Variants in IPO13 observed in about 807,000 individuals in gnomAD.
IPO13 encodes the protein importin-13.
In IPO13, 28 loss-of-function variants were observed where a neutral mutation model predicts 115.5. The observed-to-expected ratio is 0.24, with a 90% CI of 0.18 to 0.33. The LOEUF is 0.33. Ranked by LOEUF, IPO13 falls within the 10% of genes least tolerant of loss-of-function variation. The pLI, the probability that IPO13 is intolerant of heterozygous loss-of-function variation, is 1.00. For missense variants in IPO13, 785 were observed against 1,204.6 expected (o/e 0.65, Z 5.16); for synonymous variants, 414 against 478.9 (o/e 0.86, Z 1.77).
chr1:43,955,110 G>A (rs1454940885), intron 2 of IPO13, among the ~76,000 whole-genome samples: 2 of 152,154 alleles, frequency 1.3e-5, no homozygotes, highest in Non-Finnish European at 2.9e-5. Flanking sequence ...ATCAAGTCCT[G>A]TCTGTTTTGC....
At position 43,950,088 on chromosome 1, in the gene IPO13, C is replaced by T. The variant is rs1176256632; in HGVS notation, c.756C>T (p.Asp252=). The stretch of plus-strand genomic sequence containing the variant: ...AGGCTGCCTTTGCTGCTCTGCAGGA[C>T]TCGGAGCTCTTCGACAGCAGTGTGG... ...LIQAAFAALQ[D]SELFDSSVEA... Residue 252 remains aspartate (D), a synonymous_variant, in exon 2 of 20, where the codon GAC becomes GAT. Coordinates refer to ENST00000372343, the MANE Select transcript of IPO13 (RefSeq NM_014652.4). 1 of 1,613,936 alleles carries T rather than the reference C, an allele frequency of 6.2e-7. No homozygotes were observed. The highest frequency in any genetic ancestry group is 8.5e-7 in the Non-Finnish European group (1 of 1,180,014).
chr1:43,960,122 T>C, intron 11 of IPO13, 127 bp from the exon 12 acceptor site: 1 of 795,712 alleles, frequency 1.3e-6, no homozygotes, highest in Non-Finnish European at 2.2e-6. Context: ...TCCCATGCCC[T>C]GGGTCCTCAA....
In IPO13 at chr1:43,956,381, C is replaced by A; in HGVS notation, c.883C>A (p.Gln295Lys). Reference sequence around the variant, plus strand: ...GCTGGGTCTGCAGGAACAACTGCGGCAGGCAGTGCAGAATGGGGACATGGA... The same window carrying A: ...GCTGGGTCTGCAGGAACAACTGCGGAAGGCAGTGCAGAATGGGGACATGGA... ...LVLGLQEQLR[Q>K]AVQNGDMETS... Residue 295 changes from glutamine (Q) to lysine (K), a missense_variant, in exon 3 of 20, where the codon CAG becomes AAG. Gln to Lys is a moderately conservative substitution (Grantham distance 53). This residue lies in a region of IPO13 where 325 missense variants were observed against 449.8 expected (regional missense o/e 0.72). Coordinates refer to ENST00000372343, the MANE Select transcript of IPO13 (RefSeq NM_014652.4). This position sits in a 1 kb window ranked among gnomAD's most constrained non-coding sequence, Gnocchi z 4.7. The A allele has an allele frequency of 6.2e-7, 1 of 1,614,194 alleles. No individual in the cohort carries two copies. Among genetic ancestry groups the A allele is most frequent in the Non-Finnish European group, 8.5e-7 (1 of 1,180,022 alleles).
chr1:43,951,370 A>G (rs1352138308), intron 2 of IPO13, among the ~76,000 whole-genome samples: 3 of 152,182 alleles, frequency 2.0e-5, no homozygotes. Flanking sequence ...ACTGAGTCTG[A>G]GGGCTGTGAA....
At chr1:43,953,021 G>A (rs2085219660) in intron 2 of IPO13, among the ~76,000 whole-genome samples, 2 of 152,178 alleles carry the variant, frequency 1.3e-5, no homozygotes, top group South Asian at 4.1e-4. Context: ...GTGATGTGAG[G>A]TGTCCTTGGA....
At chr1:43,950,911 TA>T (rs2085204724) in intron 2 of IPO13, among the ~76,000 whole-genome samples, 1 of 152,244 alleles carries the variant, frequency 6.6e-6, no homozygotes, top group African/African-American at 2.4e-5. Flanking sequence ...TCTTAGCCCA[TA>T]ACATGATTTC....
chr1:43,953,081 T>C (rs1345897132), intron 2 of IPO13: 1 of 152,158 alleles, frequency 6.6e-6, no homozygotes, highest in Admixed American at 6.5e-5. Context: ...TGGCAGGTAA[T>C]TGATGCCCCT....
intron 14 of IPO13, among the ~76,000 whole-genome samples, chr1:43,961,715 G>A (rs1365751629): frequency 2.0e-5 from 3 of 152,186 alleles, no homozygotes; most frequent in Non-Finnish European, 4.4e-5. Context: ...CCATATCTGT[G>A]AAACGGAGAT....
Position 43,949,984 on chromosome 1 carries a change from G to C in IPO13, c.652G>C (p.Val218Leu), listed in dbSNP as rs1486505579. The C allele has an allele frequency of 1.2e-5, 20 of 1,612,244 alleles. No homozygotes were observed. The highest frequency in any genetic ancestry group is 1.7e-5 in the Non-Finnish European group (20 of 1,179,660). ...ACAGCAGCCCAGCTCACCCAGCTGT[G>C]TGCGTCAGAAGGTGCTCAAGTGTTT... ...LLQQPSSPSCVRQKVLKCFSS... is the reference protein window; with the variant it reads ...LLQQPSSPSCLRQKVLKCFSS... Residue 218 changes from valine to leucine, a missense_variant, in exon 2 of 20, where the codon GTG becomes CTG. Physicochemically the swap from Val to Leu is conservative, Grantham distance 32 (BLOSUM62 1). Coordinates refer to ENST00000372343, the MANE Select transcript of IPO13 (RefSeq NM_014652.4).
At position 43,956,578 on chromosome 1, in the gene IPO13, A is replaced by C. The variant is rs765118713; in HGVS notation, c.981A>C (p.Val327=). 3.1e-6 allele frequency: 5 copies of C among 1,614,248 alleles called. No individual in the cohort carries two copies. Among genetic ancestry groups the C allele is most frequent in the Non-Finnish European group, 4.2e-6 (5 of 1,180,048 alleles). Residue 327 remains valine (V), a synonymous_variant, in exon 4 of 20, where the codon GTA becomes GTC. Coordinates refer to ENST00000372343, the MANE Select transcript of IPO13 (RefSeq NM_014652.4). The surrounding 1 kb of genome is among the most constrained non-coding windows in gnomAD (Gnocchi z 4.7). ...TCCCCAGGGCCTTGCTGGACCAAGT[A>C]GAGCACTGGCAGAGTTTCCTGGCAC... The part of the protein sequence containing the change: ...ENHSRALLDQ[V]EHWQSFLALV...
At chr1:43,959,679 C>A (rs943231104) in intron 11 of IPO13, among the ~76,000 whole-genome samples, 25 of 152,224 alleles carry the variant, frequency 1.6e-4, no homozygotes, top group Admixed American at 1.0e-3. Context: ...ACTCCCCAAC[C>A]CAGTTTCAGT....
rs779391316 is a variant in IPO13 at position 43,961,234 on chromosome 1, C to T, written c.2316C>T (p.Thr772=). Residue 772 remains threonine, a synonymous_variant, in exon 14 of 20, where the codon ACC becomes ACT. Transcript: ENST00000372343. ...TTGAGGCCCTCTTCCTGCTCGTCAC[C>T]TCCGTCACACTCACTCTCTTCCAGC... ...PPIEALFLLV[T]SVTLTLFQQG... is the part of the protein sequence containing the mutation. 3.1e-6 allele frequency: 5 copies of T among 1,613,972 alleles called. No individual in the cohort carries two copies. The Admixed American group carries it at 5.0e-5, about 16-fold the overall frequency.
chr1:43,950,122 G>A lies in IPO13; in HGVS notation c.790G>A (p.Val264Met). 1 of 1,612,450 alleles carries A rather than the reference G, an allele frequency of 6.2e-7. No homozygotes were observed. The highest frequency in any genetic ancestry group is 8.5e-7 in the Non-Finnish European group (1 of 1,178,984). ...CTTCGACAGCAGTGTGGAGGCCATT[G>A]TGAATGCCATCTCACAGCCTGATGC... ...ELFDSSVEAI[V>M]NAISQPDAQR... Residue 264 changes from valine (V) to methionine (M), a missense_variant, in exon 2 of 20, where the codon GTG becomes ATG. Around this residue, in one of 3 missense-constraint regions of IPO13, gnomAD observed 325 missense variants for 449.8 expected, o/e 0.72. Transcript: ENST00000372343.
At position 43,950,429 on chromosome 1, in the gene IPO13, A is replaced by G. The variant is rs185910023; in HGVS notation, c.821+276A>G. On this transcript the variant is annotated intron_variant, in intron 2 of 19. Coordinates refer to ENST00000372343, the MANE Select transcript of IPO13 (RefSeq NM_014652.4). ...AGTCCTGGCTGTTCCCCTCCTGACC[A>G]TATTGCAAATCTATTTTTTTCCATT... Among the ~76,000 whole-genome samples the G allele has an allele frequency of 2.0e-4, 30 of 152,258 alleles. No individual in the cohort carries two copies. In the East Asian group the frequency reaches 4.8e-3, roughly 24 times the overall value.
intron 7 of IPO13, 103 bp downstream of exon 7, chr1:43,957,652 G>C: frequency 5.1e-6 from 7 of 1,381,090 alleles, no homozygotes; most frequent in Non-Finnish European, 7.1e-6. Context: ...AGAGCCACAT[G>C]CCTACACACA....
Position 43,967,194 on chromosome 1 carries a change from G to A in IPO13, c.2614-121G>A. The A allele has an allele frequency of 8.4e-7, 1 of 1,184,680 alleles. No homozygotes were observed. Among genetic ancestry groups the A allele is most frequent in the Non-Finnish European group, 1.2e-6 (1 of 811,938 alleles). The allele number at this position is 1,184,680 out of a possible 1,614,324, so 73.4% of individuals were successfully genotyped here. A position where few individuals can be genotyped will look rare whatever the true frequency, so the allele number is the denominator to read the frequency against. Reference sequence around the variant, plus strand: ...GTGGGGATCAGCTGGCTCTCAAAAAGCAGCGCTCACTGTGATGTGCAGTTT... The same window carrying A: ...GTGGGGATCAGCTGGCTCTCAAAAAACAGCGCTCACTGTGATGTGCAGTTT... On this transcript the variant is annotated intron_variant, in intron 18 of 19. Coordinates refer to ENST00000372343, the MANE Select transcript of IPO13 (RefSeq NM_014652.4). The surrounding 1 kb of genome is among the most constrained non-coding windows in gnomAD (Gnocchi z 6.1).
At chr1:43,957,941 G>T (rs753783595) in intron 7 of IPO13, 36 bp from the exon 8 acceptor site, 3 of 1,607,228 alleles carry the variant, frequency 1.9e-6, no homozygotes, top group Non-Finnish European at 2.6e-6. Flanking sequence ...AGCCTGGCCT[G>T]CCTCAAAGAT....
At position 43,949,887 on chromosome 1, in the gene IPO13, C is replaced by T; in HGVS notation, c.555C>T (p.Tyr185=). 4 of 1,611,848 alleles carry T rather than the reference C, an allele frequency of 2.5e-6. No homozygotes were observed. Among genetic ancestry groups the T allele is most frequent in the Non-Finnish European group, 3.4e-6 (4 of 1,179,868 alleles). ...TCCAGACCAGTCGCCTACCCCAGTACCGCAAAGGCCTGGTGCGGACCAGCC... is the reference window on the plus strand; with the variant it reads ...TCCAGACCAGTCGCCTACCCCAGTATCGCAAAGGCCTGGTGCGGACCAGCC... The part of the protein sequence containing the change: ...EEFQTSRLPQ[Y]RKGLVRTSLA... Residue 185 remains tyrosine (Y), a synonymous_variant, in exon 2 of 20, where the codon TAC becomes TAT. Coordinates refer to ENST00000372343, the MANE Select transcript of IPO13 (RefSeq NM_014652.4).
chr1:43,958,247 G>A lies in IPO13; in HGVS notation c.1728G>A (p.Val576=), dbSNP rs771298217. The A allele has an allele frequency of 6.2e-7, 1 of 1,614,064 alleles. No homozygotes were observed. Among genetic ancestry groups the A allele is most frequent in the Non-Finnish European group, 8.5e-7 (1 of 1,180,046 alleles). Residue 576 remains valine (V), a synonymous_variant, in exon 9 of 20, where the codon GTG becomes GTA. Transcript: ENST00000372343. The surrounding 1 kb of genome is among the most constrained non-coding windows in gnomAD (Gnocchi z 6.3). ...TTCCTTCTTTCTCCCCTCAGGATGT[G>A]CTGATGAAACAGATCCACAAGGTGC... ...AANIVAVSQD[V]LMKQIHKTSQ...
Sources: allele counts gnomAD v4.1 joint callset (sites outside exome capture counted in the v4.1 genomes callset), GRCh38; gene constraint gnomAD v4.1.1; regional missense constraint gnomAD v4.1.1; non-coding constraint Gnocchi (gnomAD v3.1); transcripts MANE v1.5; gene names NCBI Gene and HGNC (gene_info 2026-07-23, HGNC 2026-07-21).